The following BDP1 variants were observed in gnomAD, a reference collection of about 807,000 sequenced individuals.
BDP1 encodes the protein transcription factor TFIIIB component B'' homolog.
In BDP1, 169 loss-of-function variants were observed where a neutral mutation model predicts 266.6. That is an observed-to-expected ratio of 0.63 (90% CI 0.56 to 0.72). The LOEUF (loss-of-function observed/expected upper bound fraction) is 0.72, where lower values mean the gene tolerates loss of function less well. Among genes scored for constraint, BDP1 ranks in the 30% least tolerant of loss-of-function variants. The probability of loss-of-function intolerance (pLI) is 0.00; values close to 1 mark genes in which losing one functional copy is unlikely to be tolerated. For synonymous variants in BDP1, 1,090 were observed against 1,022.4 expected (o/e 1.07, Z -1.26); for missense variants, 3,015 against 3,053.8 (o/e 0.99, Z 0.30).
rs779446420 is a variant in BDP1 at position 71,524,215 on chromosome 5, A to G, written c.5664A>G (p.Glu1888=). 316 of 1,614,114 alleles carry G rather than the reference A, an allele frequency of 2.0e-4. No homozygotes were observed. The highest frequency in any genetic ancestry group is 2.6e-4 in the Non-Finnish European group (304 of 1,180,052). The part of the protein sequence containing the change: ...ADDFESDYEE[E]SYHLAPEEVN... ...ATTTTGAGTCTGACTATGAGGAAGA[A>G]AGCTATCATCTTGCTCCCGAAGAAG... Residue 1888 remains glutamate (E), a synonymous_variant, in exon 25 of 39, where the codon GAA becomes GAG. Coordinates refer to ENST00000358731, the MANE Select transcript of BDP1 (RefSeq NM_018429.3).
rs773925195 is a variant in BDP1 at position 71,516,141 on chromosome 5, A to G, written c.4730A>G (p.Gln1577Arg). The G allele has an allele frequency of 3.0e-5, 48 of 1,613,082 alleles. No individual in the cohort carries two copies. Among genetic ancestry groups the G allele is most frequent in the Non-Finnish European group, 3.6e-5 (42 of 1,179,478 alleles). ...GCTCGACAAGTAAGGGGCCGACTTC[A>G]GAGACCGAGACCAAATATAAGAAAG... The part of the protein sequence containing the change: ...QTARQVRGRL[Q>R]RPRPNIRKTG... Residue 1577 changes from glutamine to arginine, a missense_variant, in exon 21 of 39, where the codon CAG becomes CGG. Transcript: ENST00000358731.
chr5:71,500,801 T>TA (rs540104907), intron 13 of BDP1, among the ~76,000 whole-genome samples: 1,562 of 146,066 alleles, frequency 0.011, 24 homozygotes, highest in African/African-American at 0.031. Context: ...CCATTTTTCT[T>TA]AAAAAAAAAA....
At chr5:71,531,809 C>G (rs963515825) in intron 25 of BDP1, among the ~76,000 whole-genome samples, 1 of 151,990 alleles carries the variant, frequency 6.6e-6, no homozygotes, top group South Asian at 2.1e-4. Flanking sequence ...GCGCCTGGCC[C>G]GATAAATACT....
chr5:71,488,767 G>T (rs1251105699), intron 9 of BDP1, among the ~76,000 whole-genome samples: 1 of 150,454 alleles, frequency 6.6e-6, no homozygotes, highest in African/African-American at 2.5e-5. Flanking sequence ...GAGTGCAATG[G>T]TGCGATCTTG....
At position 71,486,507 on chromosome 5, in the gene BDP1, G is replaced by C; in HGVS notation, c.1093G>C (p.Asp365His). ...AGAGGAAAAGCGCCCTTTTGACTTC[G>C]ATTTTTTTGCTCATTTGCTTCAGAA... is the stretch of plus-strand genomic sequence containing the variant. ...AFQEKRPFDF[D>H]FFAHLLQKVL... The change falls in exon 9 of 39, where the codon GAT becomes CAT. Residue 365 changes from aspartate to histidine, a missense_variant. Around this residue, in one of 3 missense-constraint regions of BDP1, gnomAD observed 2,383 missense variants for 2,404.9 expected, o/e 0.99. Transcript: ENST00000358731. 2 of 1,534,292 alleles carry C rather than the reference G, an allele frequency of 1.3e-6. No individual in the cohort carries two copies. The highest frequency in any genetic ancestry group is 2.6e-5 in the East Asian group (1 of 39,184).
chr5:71,528,648 T>A (rs1471003714), intron 25 of BDP1, among the ~76,000 whole-genome samples: 1 of 152,234 alleles, frequency 6.6e-6, no homozygotes, highest in Non-Finnish European at 1.5e-5. Flanking sequence ...TGAAGGGAAG[T>A]CAAAATCTAC....
At chr5:71,556,761 G>A in intron 35 of BDP1, 125 bp from the exon 36 acceptor site, 1 of 501,896 alleles carries the variant, frequency 2.0e-6, no homozygotes, top group Non-Finnish European at 3.5e-6. Context: ...ATGTTTAGTA[G>A]AATTCCTCTA....
chr5:71,479,138 GT>G (rs1219774484), intron 7 of BDP1, among the ~76,000 whole-genome samples: 1 of 151,946 alleles, frequency 6.6e-6, no homozygotes, highest in Non-Finnish European at 1.5e-5. Context: ...TGCCTCCCAG[GT>G]TTACGCCATT....
rs563993421 is a variant in BDP1 at position 71,553,120 on chromosome 5, T to C, written c.7000T>C (p.Cys2334Arg). The C allele has an allele frequency of 2.5e-6, 4 of 1,610,482 alleles. No individual in the cohort carries two copies. In the Admixed American group the frequency reaches 6.7e-5, roughly 27 times the overall value. ...ATGTATTTCTTTTCTATGCAGTATTTGTTTACCAGCAACTTCAGTTGGTCA... is the reference window on the plus strand; with the variant it reads ...ATGTATTTCTTTTCTATGCAGTATTCGTTTACCAGCAACTTCAGTTGGTCA... The part of the protein sequence containing the change: ...NTEERGDMSI[C>R]LPATSVGQDA... Residue 2334 changes from cysteine to arginine, a missense_variant, in exon 35 of 39, where the codon TGT becomes CGT. Physicochemically the swap from Cys to Arg is radical, Grantham distance 180. This residue lies in a region of BDP1 where 629 missense variants were observed against 632.5 expected (regional missense o/e 0.99). Coordinates refer to ENST00000358731, the MANE Select transcript of BDP1 (RefSeq NM_018429.3).
Position 71,541,542 on chromosome 5 carries a change from T to C in BDP1, c.6111T>C (p.His2037=), listed in dbSNP as rs1484145040. 9 of 1,612,226 alleles carry C rather than the reference T, an allele frequency of 5.6e-6. No individual in the cohort carries two copies. The highest frequency in any genetic ancestry group is 7.6e-6 in the Non-Finnish European group (9 of 1,178,634). ...SLDNVNHKIV[H]ECQELSSPVI... is the part of the protein sequence containing the mutation. ...ATAATGTAAATCACAAAATTGTTCA[T>C]GAATGTCAGGAACTTTCTTCACCTG... Residue 2037 remains histidine, a synonymous_variant, in exon 29 of 39, where the codon CAT becomes CAC. Transcript: ENST00000358731.
intron 18 of BDP1, among the ~76,000 whole-genome samples, chr5:71,512,929 G>T (rs1204075279): frequency 6.6e-6 from 1 of 151,846 alleles, no homozygotes; most frequent in African/African-American, 2.4e-5. Context: ...GGGTGTGGTG[G>T]CACATGCCTG....
Position 71,495,407 on chromosome 5 carries a change from C to A in BDP1, c.1798C>A (p.Leu600Met). Residue 600 changes from leucine to methionine, a missense_variant and splice_region_variant, in exon 12 of 39, where the codon CTG becomes ATG. Leu to Met is a conservative substitution (Grantham distance 15). Coordinates refer to ENST00000358731, the MANE Select transcript of BDP1 (RefSeq NM_018429.3). ...ERNVDLKNNS[L>M]EIDQTENVKP... ...AAATGTTGACCTAAAAAATAATTCA[C>A]TGTAAGTATTTTATACGATAGGATT... 6.4e-7 allele frequency: 1 copy of A among 1,558,126 alleles called. No individual in the cohort carries two copies. The highest frequency in any genetic ancestry group is 1.2e-5 in the South Asian group (1 of 81,360).
chr5:71,456,277 A>G lies in BDP1; in HGVS notation c.212+188A>G, dbSNP rs989531038. Among the ~76,000 whole-genome samples the G allele has an allele frequency of 4.6e-5, 7 of 152,000 alleles. No homozygotes were observed. The East Asian group carries it at 7.7e-4, about 17-fold the overall frequency. ...GACCTGCAGGGTGTGGCTTGTGTGG[A>G]TTTTGTCACGGTCTATAGATTCTCC... On this transcript the variant is annotated intron_variant, in intron 1 of 38. Transcript: ENST00000358731.
At chr5:71,516,452 T>G (rs1237367410) in intron 21 of BDP1, among the ~76,000 whole-genome samples, 181 bp downstream of exon 21, 1 of 152,182 alleles carries the variant, frequency 6.6e-6, no homozygotes, top group Non-Finnish European at 1.5e-5. Flanking sequence ...TAGATTTATT[T>G]CTTTTCTAAT....
chr5:71,561,475 C>T (rs981185155), intron 37 of BDP1, among the ~76,000 whole-genome samples: 10 of 152,314 alleles, frequency 6.6e-5, no homozygotes, highest in South Asian at 2.1e-4. Context: ...TGTTCTAGAA[C>T]GGAAGTCAGC....
chr5:71,489,305 A>C, intron 9 of BDP1, 99 bp from the exon 10 acceptor site: 1 of 805,716 alleles, frequency 1.2e-6, no homozygotes, highest in African/African-American at 1.8e-5. Context: ...TTGTTCATAC[A>C]AATAAATAAT....
rs1744016113 is a variant in BDP1 at position 71,566,101 on chromosome 5, T to C, written c.*1216T>C. 2 of 172,728 alleles carry C rather than the reference T, an allele frequency of 1.2e-5. No homozygotes were observed. The highest frequency in any genetic ancestry group is 2.6e-5 in the Non-Finnish European group (2 of 77,820). 10.7% of individuals were successfully genotyped at this position (172,728 alleles called of 1,614,324 possible). A position where few individuals can be genotyped will look rare whatever the true frequency, so the allele number is the denominator to read the frequency against. On this transcript the variant is annotated 3_prime_UTR_variant, in exon 39 of 39. Transcript: ENST00000358731. Reference sequence around the variant, plus strand: ...GTTTTGAATACCTTTTTCCCCTCAGTTTAGTATATTGACTTTGTACTGTAA... The same window carrying C: ...GTTTTGAATACCTTTTTCCCCTCAGCTTAGTATATTGACTTTGTACTGTAA...
At chr5:71,562,233 T>C in intron 37 of BDP1, 41 bp from the exon 38 acceptor site, 1 of 1,262,632 alleles carries the variant, frequency 7.9e-7, no homozygotes, top group Non-Finnish European at 1.1e-6. Context: ...AGAATGTGTC[T>C]TCCTGGGTAT....
Position 71,525,664 on chromosome 5 carries a change from G to A in BDP1, c.5772+1341G>A, listed in dbSNP as rs1316287620. Among the ~76,000 whole-genome samples, 15 of 117,346 alleles carry A rather than the reference G, an allele frequency of 1.3e-4. 1 individual carries two copies. Among genetic ancestry groups the A allele is most frequent in the African/African-American group, 2.4e-4 (8 of 33,634 alleles). 77.0% of individuals were successfully genotyped at this position (117,346 alleles called of 152,430 possible). A position where few individuals can be genotyped will look rare whatever the true frequency, so the allele number is the denominator to read the frequency against. ...TGACCCCCCCACCTCCCTTCCGGAC[G>A]GGGTGGCTGGCCGGGCGGGGGGCTG... On this transcript the variant is annotated intron_variant, in intron 25 of 38. Coordinates refer to ENST00000358731, the MANE Select transcript of BDP1 (RefSeq NM_018429.3).
Sources: gnomAD v4.1 joint callset for allele counts (sites outside exome capture counted in the v4.1 genomes callset) on GRCh38, gnomAD v4.1.1 for gene constraint, gnomAD v4.1.1 regional missense constraint, MANE v1.5 for transcripts, NCBI Gene and HGNC (gene_info 2026-07-23, HGNC 2026-07-21) for gene names.